LRRC8B: variants seen among roughly 807,000 people sequenced by gnomAD.
LRRC8B encodes volume-regulated anion channel subunit LRRC8B.
Under a neutral mutation model 58.8 loss-of-function variants are expected in LRRC8B, and 23 were observed. The ratio of observed to expected loss-of-function variants is 0.39; its 90% CI spans 0.28 to 0.55. The LOEUF is 0.55. Among genes scored for constraint, LRRC8B ranks in the 20% least tolerant of loss-of-function variants. The pLI, the probability that LRRC8B is intolerant of heterozygous loss-of-function variation, is 0.62. For missense variants in LRRC8B, 694 were observed against 936.0 expected (o/e 0.74, Z 3.37); for synonymous variants, 359 against 374.1 (o/e 0.96, Z 0.47).
intron 5 of LRRC8B, among the ~76,000 whole-genome samples, chr1:89,590,821 T>C (rs1286569569): frequency 6.6e-6 from 1 of 152,178 alleles, no homozygotes; most frequent in Non-Finnish European, 1.5e-5. Context: ...TTACAGACAA[T>C]TGTGTAATCG....
rs894398507 is a variant in LRRC8B, at chr1:89,572,071, T to C, written c.-125+3578T>C. Among the ~76,000 whole-genome samples, 3 of 152,218 alleles carry C rather than the reference T, an allele frequency of 2.0e-5. No individual in the cohort carries two copies. The South Asian group carries it at 6.2e-4, about 32-fold the overall frequency. On this transcript the variant is annotated intron_variant, in intron 3 of 5. Transcript: ENST00000330947. ...CTTTAAGGTCTCTAAGAACTTGCTT[T>C]ATGAATCTGGGTGTTCCTATGCTTA...
At chr1:89,542,720 G>C (rs373405643) in intron 1 of LRRC8B, among the ~76,000 whole-genome samples, 1 of 152,336 alleles carries the variant, frequency 6.6e-6, no homozygotes, top group South Asian at 2.1e-4. Context: ...TCATGGGGTT[G>C]TTGAGAGTTT....
At chr1:89,589,958 GAGAT>G (rs1177892779) in intron 5 of LRRC8B, among the ~76,000 whole-genome samples, 4 of 152,012 alleles carry the variant, frequency 2.6e-5, no homozygotes, top group African/African-American at 9.7e-5. Context: ...AGGATGTAGA[GAGAT>G]AATATAGCCA....
Position 89,593,071 on chromosome 1 carries a change from A to G in LRRC8B, c.*28A>G. 6.2e-7 allele frequency: 1 copy of G among 1,602,546 alleles called. No homozygotes were observed. On this transcript the variant is annotated 3_prime_UTR_variant, in exon 6 of 6. Coordinates refer to ENST00000330947, the MANE Select transcript of LRRC8B (RefSeq NM_001369817.2). The stretch of plus-strand genomic sequence containing the variant: ...TAAAGAAAAGAGACCCGTGTTTCAA[A>G]ATCATTTTTAAAAGTATGCTCGGCC...
In LRRC8B at chr1:89,584,005, A is replaced by T; in HGVS notation, c.1355A>T (p.Glu452Val). 1 of 1,614,204 alleles carries T rather than the reference A, an allele frequency of 6.2e-7. No homozygotes were observed. The highest frequency in any genetic ancestry group is 8.5e-7 in the Non-Finnish European group (1 of 1,180,028). The change falls in exon 5 of 6, where the codon GAG becomes GTG. Residue 452 changes from glutamate to valine, a missense_variant. This residue lies in a region of LRRC8B where 162 missense variants were observed against 198.5 expected (regional missense o/e 0.82). Transcript: ENST00000330947. ...MEVLSLELIP[E>V]VKLPSAVSQL... ...GTGCTAAGCCTGGAGCTTATCCCAGAGGTGAAGCTGCCCTCTGCAGTCTCA... is the reference window on the plus strand; with the variant it reads ...GTGCTAAGCCTGGAGCTTATCCCAGTGGTGAAGCTGCCCTCTGCAGTCTCA...
intron 1 of LRRC8B, among the ~76,000 whole-genome samples, chr1:89,534,269 A>G (rs1163590543): frequency 6.6e-6 from 1 of 152,222 alleles, no homozygotes; most frequent in Non-Finnish European, 1.5e-5. Context: ...TTTCTATTAT[A>G]ACTATTGGGT....
chr1:89,543,431 C>A lies in LRRC8B; in HGVS notation c.-241+18409C>A, dbSNP rs765843951. ...ACAAACGCCAGTGAGTGGTAGTTTT[C>A]TTATTATAAAACAATCTATTATACA... On this transcript the variant is annotated intron_variant, in intron 1 of 5. Coordinates refer to ENST00000330947, the MANE Select transcript of LRRC8B (RefSeq NM_001369817.2). Among the ~76,000 whole-genome samples the A allele has an allele frequency of 5.9e-5, 9 of 151,604 alleles. 1 individual carries two copies.
chr1:89,549,143 A>T (rs578167811), intron 1 of LRRC8B, among the ~76,000 whole-genome samples: 1 of 152,342 alleles, frequency 6.6e-6, no homozygotes, highest in African/African-American at 2.4e-5. Context: ...GTGCAGAGAA[A>T]AGTGATAAAC....
At chr1:89,530,517 G>A (rs1650047623) in intron 1 of LRRC8B, among the ~76,000 whole-genome samples, 1 of 152,154 alleles carries the variant, frequency 6.6e-6, no homozygotes, top group African/African-American at 2.4e-5. Flanking sequence ...ACAACAAGCA[G>A]ATGCATCTGA....
In LRRC8B at chr1:89,583,218, C is replaced by T; in HGVS notation, c.568C>T (p.Leu190Phe). The change falls in exon 5 of 6, where the codon CTT (leucine) becomes TTT (phenylalanine). Residue 190 changes from leucine (L) to phenylalanine (F), a missense_variant. Leu to Phe is a conservative substitution (Grantham distance 22). This residue lies in a region of LRRC8B where 316 missense variants were observed against 403.8 expected (regional missense o/e 0.78). Coordinates refer to ENST00000330947, the MANE Select transcript of LRRC8B (RefSeq NM_001369817.2). This position sits in a 1 kb window ranked among gnomAD's most constrained non-coding sequence, Gnocchi z 5.2. ...PLKLSKSKIL[L>F]SSSGCSADID... Reference sequence around the variant, plus strand: ...GAAACTCTCCAAGTCCAAGATTTTGCTTTCGTCCTCAGGGTGTTCAGCTGA... The same window carrying T: ...GAAACTCTCCAAGTCCAAGATTTTGTTTTCGTCCTCAGGGTGTTCAGCTGA... 1 of 1,614,142 alleles carries T rather than the reference C, an allele frequency of 6.2e-7. No homozygotes were observed. The highest frequency in any genetic ancestry group is 8.5e-7 in the Non-Finnish European group (1 of 1,180,020).
At chr1:89,553,293 G>C (rs1651950484) in intron 1 of LRRC8B, among the ~76,000 whole-genome samples, 1 of 152,174 alleles carries the variant, frequency 6.6e-6, no homozygotes, top group Non-Finnish European at 1.5e-5. Flanking sequence ...TGAAATGTTT[G>C]TCCATAATTA....
Position 89,592,930 on chromosome 1 carries a change from C to T in LRRC8B, c.2299C>T (p.Leu767=), listed in dbSNP as rs748249713. Residue 767 remains leucine (L), a synonymous_variant, in exon 6 of 6, where the codon CTA becomes TTA. Coordinates refer to ENST00000330947, the MANE Select transcript of LRRC8B (RefSeq NM_001369817.2). ...GNYLETLPPE[L]EGCQSLKRNC... ...TTACCTGGAAACACTTCCTCCTGAA[C>T]TAGAAGGATGTCAGTCCCTAAAACG... The T allele has an allele frequency of 6.2e-6, 10 of 1,614,050 alleles. No homozygotes were observed. The highest frequency in any genetic ancestry group is 2.5e-6 in the Non-Finnish European group (3 of 1,179,940).
At chr1:89,541,478 G>T (rs1051808906) in intron 1 of LRRC8B, among the ~76,000 whole-genome samples, 4 of 151,744 alleles carry the variant, frequency 2.6e-5, no homozygotes, top group African/African-American at 4.8e-5. Flanking sequence ...TTGGGAGGCC[G>T]AGGCGGGCGG....
intron 5 of LRRC8B, among the ~76,000 whole-genome samples, chr1:89,585,587 A>G (rs1393168230): frequency 1.3e-5 from 2 of 152,314 alleles, no homozygotes; most frequent in East Asian, 1.9e-4. Context: ...CTACCAAGGG[A>G]TGAAACTGAC....
At chr1:89,567,089 C>T (rs527530446) in intron 1 of LRRC8B, among the ~76,000 whole-genome samples, 1 of 152,264 alleles carries the variant, frequency 6.6e-6, no homozygotes, top group African/African-American at 2.4e-5. Flanking sequence ...GACGTGCTGA[C>T]GCAGGCCGCC....
At chr1:89,545,015 CAT>C (rs2100861338) in intron 1 of LRRC8B, among the ~76,000 whole-genome samples, 1 of 152,234 alleles carries the variant, frequency 6.6e-6, no homozygotes, top group African/African-American at 2.4e-5. Context: ...TAGTTGAAAA[CAT>C]ATATTGCTTT....
rs375645711 is a variant in LRRC8B at position 89,563,662 on chromosome 1, A to G, written c.-240-4585A>G. 1.6e-4 allele frequency among the ~76,000 whole-genome samples: 25 copies of G among 152,310 alleles called. No individual in the cohort carries two copies. In the East Asian group the frequency reaches 2.5e-3, roughly 15 times the overall value. ...CTTTAAAGGCAACCTTTAAAGGATT[A>G]ATTTTAGATAAAGTTACTACTATGT... On this transcript the variant is annotated intron_variant, in intron 1 of 5. Transcript: ENST00000330947.
chr1:89,539,993 G>A (rs981513832), intron 1 of LRRC8B, among the ~76,000 whole-genome samples: 1 of 152,074 alleles, frequency 6.6e-6, no homozygotes, highest in Non-Finnish European at 1.5e-5. Context: ...ATAAGATCCA[G>A]GAGAAATTTT....
chr1:89,572,496 C>A (rs1364708942), intron 3 of LRRC8B: 1 of 152,158 alleles, frequency 6.6e-6, no homozygotes, highest in Non-Finnish European at 1.5e-5. Flanking sequence ...GCTATAGATT[C>A]AGTCTTTTTA....
Sources: gnomAD v4.1 joint callset for allele counts (sites outside exome capture counted in the v4.1 genomes callset) on GRCh38, gnomAD v4.1.1 for gene constraint, gnomAD v4.1.1 regional missense constraint, Gnocchi (gnomAD v3.1) non-coding constraint, MANE v1.5 for transcripts, NCBI Gene and HGNC (gene_info 2026-07-23, HGNC 2026-07-21) for gene names.